The following SMG1 variants were observed in gnomAD, a reference collection of about 807,000 sequenced individuals.
SMG1 encodes SMG1 nonsense mediated mRNA decay associated PI3K related kinase, also known as serine/threonine-protein kinase SMG1.
SMG1 carries 22 observed loss-of-function variants against 419.9 expected under a neutral mutation model. The observed-to-expected ratio is 0.05, with a 90% CI of 0.04 to 0.07. The LOEUF (loss-of-function observed/expected upper bound fraction) is 0.07. Ranked by LOEUF, SMG1 falls within the 10% of genes least tolerant of loss-of-function variation. SMG1 has a pLI of 1.00. For synonymous variants in SMG1, 1,538 were observed against 1,553.5 expected (o/e 0.99, Z 0.23); for missense variants, 3,185 against 4,342.0 (o/e 0.73, Z 7.49).
intron 13 of SMG1, among the ~76,000 whole-genome samples, chr16:18,874,815 G>A (rs1185474261): frequency 3.9e-5 from 5 of 128,212 alleles, no homozygotes; most frequent in African/African-American, 1.2e-4. Flanking sequence ...GCAGTGAGCC[G>A]AGATTGCACC....
Position 18,925,976 on chromosome 16 carries a change from C to T in SMG1, c.66G>A (p.Pro22=), listed in dbSNP as rs372437048. The T allele has an allele frequency of 1.9e-6, 3 of 1,576,298 alleles. No homozygotes were observed. The highest frequency in any genetic ancestry group is 2.6e-6 in the Non-Finnish European group (3 of 1,167,384). ...TGGGTTGCCAGTCATTCCAGCTCCGCGGATACTTGGTGCCGCCGCCGCCGC... is the reference window on the plus strand; with the variant it reads ...TGGGTTGCCAGTCATTCCAGCTCCGTGGATACTTGGTGCCGCCGCCGCCGC... ...SGGGGGGTKY[P]RSWNDWQPRT... is the part of the protein sequence containing the mutation. The change falls in exon 1 of 63, where the codon CCG becomes CCA. Residue 22 remains proline, a synonymous_variant. Coordinates refer to ENST00000446231, the MANE Select transcript of SMG1 (RefSeq NM_015092.5).
At position 18,859,683 on chromosome 16, in the gene SMG1, T is replaced by C; in HGVS notation, c.3826A>G (p.Asn1276Asp). 1 of 1,604,556 alleles carries C rather than the reference T, an allele frequency of 6.2e-7. No homozygotes were observed. The highest frequency in any genetic ancestry group is 8.5e-7 in the Non-Finnish European group (1 of 1,175,684). The change falls in exon 27 of 63, where the codon AAC (asparagine) becomes GAC (aspartate). Residue 1276 changes from asparagine to aspartate, a missense_variant. By Grantham distance (23) the Asn-to-Asp change is conservative. Around this residue, in one of 27 missense-constraint regions of SMG1, gnomAD observed 120 missense variants for 193.3 expected, o/e 0.62. Transcript: ENST00000446231. The stretch of plus-strand genomic sequence containing the variant: ...TCCCTCGGATCCGGACTTAACATGT[T>C]AGGAAGCAGTTTTTTCATGTCTACC... ...EKIDMKKLLPNMLSPDPRELQ... is the reference protein window; with the variant it reads ...EKIDMKKLLPDMLSPDPRELQ...
In SMG1 at chr16:18,804,913, T is replaced by A. The variant is rs1380780694; in HGVS notation, c.*4656A>T. On this transcript the variant is annotated 3_prime_UTR_variant, in exon 63 of 63. Transcript: ENST00000446231. ...AAAAACAGGTATTTCATACAATCTT[T>A]GCCATGTTAATGCAAATATGCACAA... is the stretch of plus-strand genomic sequence containing the variant. 6.5e-6 allele frequency: 1 copy of A among 152,704 alleles called. No homozygotes were observed. The highest frequency in any genetic ancestry group is 2.4e-5 in the African/African-American group (1 of 41,468). 9.5% of individuals were successfully genotyped at this position (152,704 alleles called of 1,614,324 possible). A position where few individuals can be genotyped will look rare whatever the true frequency, so the allele number is the denominator to read the frequency against.
rs183406891 is a variant in SMG1, at chr16:18,878,803, T to C, written c.1518+692A>G. The C allele has an allele frequency of 1.1e-4, 17 of 152,858 alleles. 1 individual carries two copies. Among genetic ancestry groups the C allele is most frequent in the African/African-American group, 3.9e-4 (16 of 41,444 alleles). 9.5% of individuals were successfully genotyped at this position (152,858 alleles called of 1,614,324 possible). On this transcript the variant is annotated intron_variant, in intron 11 of 62. Transcript: ENST00000446231. Reference sequence around the variant, plus strand: ...CAGGTGGATTGCTTGAGCCCAAGAATTCAAGACCAGCCTGGGTAACATGGC... The same window carrying C: ...CAGGTGGATTGCTTGAGCCCAAGAACTCAAGACCAGCCTGGGTAACATGGC...
chr16:18,925,895 C>G lies in SMG1; in HGVS notation c.92+55G>C, dbSNP rs536531000. 19 of 1,392,262 alleles carry G rather than the reference C, an allele frequency of 1.4e-5. No homozygotes were observed. The East Asian group carries it at 4.2e-4, about 31-fold the overall frequency. 86.2% of individuals were successfully genotyped at this position (1,392,262 alleles called of 1,614,324 possible). Reference sequence around the variant, plus strand: ...CCAGCCCCGCGGCCCTAGGCCTCGGCCCGCCCGAGGCGGAGCCCGGGAGGT... The same window carrying G: ...CCAGCCCCGCGGCCCTAGGCCTCGGGCCGCCCGAGGCGGAGCCCGGGAGGT... On this transcript the variant is annotated intron_variant, in intron 1 of 62. Coordinates refer to ENST00000446231, the MANE Select transcript of SMG1 (RefSeq NM_015092.5).
intron 39 of SMG1, 40 bp downstream of exon 39, chr16:18,845,389 G>GA (rs1310316686): frequency 6.5e-7 from 1 of 1,531,272 alleles, no homozygotes; most frequent in African/African-American, 1.4e-5. Flanking sequence ...TGGGAACTGT[G>GA]ATGTGCCATT....
chr16:18,855,058 G>A (rs1386805205), intron 29 of SMG1, among the ~76,000 whole-genome samples, 154 bp from the exon 30 acceptor site: 1 of 152,160 alleles, frequency 6.6e-6, no homozygotes, highest in African/African-American at 2.4e-5. Context: ...CTAGCACAGT[G>A]CTTGAGATAC....
At chr16:18,892,764 A>G (rs1174509984) in intron 3 of SMG1, among the ~76,000 whole-genome samples, 1 of 152,112 alleles carries the variant, frequency 6.6e-6, no homozygotes, top group East Asian at 1.9e-4. Flanking sequence ...GTCACAGTCC[A>G]CTGGTCAATA....
At position 18,838,118 on chromosome 16, in the gene SMG1, C is replaced by T. The variant is rs202149381; in HGVS notation, c.7309G>A (p.Val2437Ile). The T allele has an allele frequency of 3.1e-6, 5 of 1,613,990 alleles. No homozygotes were observed. In the African/African-American group the frequency reaches 6.7e-5, roughly 22 times the overall value. ...GCCTGCTGGCCACCTCCACCATAGA[C>T]AGCACCAGCAAACCCAGCCTCGCCT... is the stretch of plus-strand genomic sequence containing the variant. ...AGGEAGFAGA[V>I]YGGGGQQAES... is the part of the protein sequence containing the mutation. Residue 2437 changes from valine to isoleucine, a missense_variant, in exon 45 of 63, where the codon GTC (valine) becomes ATC (isoleucine). Val to Ile is a conservative substitution (Grantham distance 29, BLOSUM62 3). Coordinates refer to ENST00000446231, the MANE Select transcript of SMG1 (RefSeq NM_015092.5).
chr16:18,887,516 C>CTTTGTTTTTTTTTTTTT (rs749197007), intron 6 of SMG1, among the ~76,000 whole-genome samples: 1,164 of 110,038 alleles, frequency 0.011, 84 homozygotes, highest in African/African-American at 0.014. Flanking sequence ...TTTTTTTTTC[C>CTTTGTTTTTTTTTTTTT]TTTTTTTTTT....
At chr16:18,815,307 T>C (rs1596459185) in intron 59 of SMG1, 26 bp from the exon 60 acceptor site, 18 of 1,547,758 alleles carry the variant, frequency 1.2e-5, no homozygotes, top group Non-Finnish European at 1.5e-5. Context: ...AAATGGCTTA[T>C]TTACGAAATG....
rs561550775 is a variant in SMG1, at chr16:18,831,242, T to C, written c.8793-873A>G. Among the ~76,000 whole-genome samples the C allele has an allele frequency of 9.2e-5, 14 of 152,250 alleles. No homozygotes were observed. In the South Asian group the frequency reaches 2.9e-3, roughly 32 times the overall value. ...CAAATGGCTGGAACTATTAAGAATT[T>C]TTAAGAGAATTAAAAATGTTAAACT... On this transcript the variant is annotated intron_variant, in intron 51 of 62. Coordinates refer to ENST00000446231, the MANE Select transcript of SMG1 (RefSeq NM_015092.5).
intron 13 of SMG1, among the ~76,000 whole-genome samples, chr16:18,874,003 A>AT (rs1300692283): frequency 6.6e-6 from 1 of 152,248 alleles, no homozygotes; most frequent in Admixed American, 6.5e-5. Flanking sequence ...TGTAACTGGT[A>AT]ATAAGCGAAG....
chr16:18,868,860 G>A (rs78273801), intron 20 of SMG1, 141 bp from the exon 21 acceptor site: 13 of 651,422 alleles, frequency 2.0e-5, no homozygotes, highest in Non-Finnish European at 3.2e-5. Flanking sequence ...CAACATGAAA[G>A]ATCTTTCATT....
chr16:18,837,495 C>T (rs1326301098), intron 45 of SMG1, 52 bp from the exon 46 acceptor site: 4 of 1,470,064 alleles, frequency 2.7e-6, no homozygotes, highest in Non-Finnish European at 1.9e-6. Flanking sequence ...AATTTTGAGA[C>T]ACAACAGTGT....
intron 55 of SMG1, among the ~76,000 whole-genome samples, chr16:18,820,012 T>A (rs1167964358): frequency 6.6e-6 from 1 of 152,212 alleles, no homozygotes; most frequent in African/African-American, 2.4e-5. Context: ...TCACCCAGGC[T>A]GGAGTTGCAG....
intron 57 of SMG1, among the ~76,000 whole-genome samples, chr16:18,816,785 C>T (rs879806733): frequency 1.3e-5 from 2 of 152,140 alleles, no homozygotes; most frequent in African/African-American, 2.4e-5. Context: ...GAAATACATT[C>T]GGAATCACAA....
At position 18,838,381 on chromosome 16, in the gene SMG1, A is replaced by G. The variant is rs775192529; in HGVS notation, c.7170T>C (p.Gly2390=). ...CCTGCTCACATGAAAGCCTAAATAC[A>G]CCTTCTACTCCAGTTACACCCAGTG... ...ETALGVTGVE[G]VFRLSCEQVL... The change falls in exon 44 of 63, where the codon GGT becomes GGC. Residue 2390 remains glycine, a synonymous_variant. Coordinates refer to ENST00000446231, the MANE Select transcript of SMG1 (RefSeq NM_015092.5). 7.4e-5 allele frequency: 119 copies of G among 1,610,818 alleles called. No homozygotes were observed. In the South Asian group the frequency reaches 1.2e-3, roughly 16 times the overall value.
At position 18,851,984 on chromosome 16, in the gene SMG1, T is replaced by A. The variant is rs1176601406; in HGVS notation, c.5052+83A>T. ...AACAATTGGTAAGCCCCATTCAGTA[T>A]TTTATCAAATATATATGATCAATTT... On this transcript the variant is annotated intron_variant, in intron 33 of 62. Coordinates refer to ENST00000446231, the MANE Select transcript of SMG1 (RefSeq NM_015092.5). The A allele has an allele frequency of 1.8e-5, 26 of 1,413,116 alleles. No individual in the cohort carries two copies. In the East Asian group the frequency reaches 6.1e-4, roughly 33 times the overall value. 87.5% of individuals were successfully genotyped at this position (1,413,116 alleles called of 1,614,324 possible). A position where few individuals can be genotyped will look rare whatever the true frequency, so the allele number is the denominator to read the frequency against.
Sources: allele counts gnomAD v4.1 joint callset (sites outside exome capture counted in the v4.1 genomes callset), GRCh38; gene constraint gnomAD v4.1.1; regional missense constraint gnomAD v4.1.1; transcripts MANE v1.5; gene names NCBI Gene and HGNC (gene_info 2026-07-23, HGNC 2026-07-21).